NTM: variants seen among roughly 807,000 people sequenced by gnomAD.
The protein encoded by NTM is IgLON family member 2.
Under a neutral mutation model 42.1 loss-of-function variants are expected in NTM, and 13 were observed. The observed-to-expected ratio is 0.31, with a 90% CI of 0.20 to 0.49. The LOEUF (loss-of-function observed/expected upper bound fraction) is 0.49, where lower values mean the gene tolerates loss of function less well. NTM is among the 20% of genes least tolerant of loss of function. The probability of loss-of-function intolerance (pLI) is 0.99; values close to 1 mark genes in which losing one functional copy is unlikely to be tolerated. For synonymous variants in NTM, 187 were observed against 179.2 expected (o/e 1.04, Z -0.35); for missense variants, 373 against 452.8 (o/e 0.82, Z 1.60).
intron 1 of NTM, among the ~76,000 whole-genome samples, chr11:131,466,823 CTCT>C (rs1030878479): frequency 3.3e-5 from 5 of 152,060 alleles, no homozygotes; most frequent in African/African-American, 1.2e-4. Context: ...CAATTTTTTT[CTCT>C]TCTTTTAATT....
At chr11:132,292,504 G>A (rs1207064034) in intron 4 of NTM, among the ~76,000 whole-genome samples, 4 of 152,132 alleles carry the variant, frequency 2.6e-5, no homozygotes, top group African/African-American at 4.8e-5. Context: ...AGTTGGAAGA[G>A]CATGAAGAAG....
chr11:132,214,516 T>TTTG (rs1206487107), intron 4 of NTM, among the ~76,000 whole-genome samples: 4 of 152,190 alleles, frequency 2.6e-5, no homozygotes, highest in African/African-American at 9.7e-5. Context: ...ATAAGTTATT[T>TTTG]TTGTTGTTGT....
chr11:132,023,076 C>T (rs1317112676), intron 2 of NTM, among the ~76,000 whole-genome samples: 2 of 152,126 alleles, frequency 1.3e-5, no homozygotes, highest in African/African-American at 2.4e-5. Flanking sequence ...ACAAGGAGGA[C>T]CTGGGTTTGC....
chr11:131,858,653 C>T (rs966707031), intron 1 of NTM, among the ~76,000 whole-genome samples: 6 of 152,168 alleles, frequency 3.9e-5, no homozygotes, highest in East Asian at 1.9e-4. Context: ...CTCACCTAAG[C>T]GGACACCGAG....
chr11:131,689,939 A>G (rs1396694082), intron 1 of NTM, among the ~76,000 whole-genome samples: 1 of 152,206 alleles, frequency 6.6e-6, no homozygotes, highest in Non-Finnish European at 1.5e-5. Flanking sequence ...TCGTCCACAT[A>G]TGATGAAATT....
intron 2 of NTM, among the ~76,000 whole-genome samples, chr11:131,979,807 C>T (rs951615413): frequency 4.6e-5 from 7 of 152,208 alleles, no homozygotes; most frequent in African/African-American, 1.7e-4. Context: ...TAAGCATTCA[C>T]AAGTCTATGG....
chr11:131,804,059 C>A (rs564286867), intron 1 of NTM, among the ~76,000 whole-genome samples: 13 of 152,274 alleles, frequency 8.5e-5, no homozygotes, highest in African/African-American at 3.1e-4. Flanking sequence ...GTCTCTCAGG[C>A]CTGCTGATCT....
chr11:132,179,788 G>GCAA (rs1299166263), intron 3 of NTM, among the ~76,000 whole-genome samples: 3 of 152,082 alleles, frequency 2.0e-5, no homozygotes, highest in Non-Finnish European at 4.4e-5. Flanking sequence ...CATGGGGCTT[G>GCAA]GCGACTGGTA....
At chr11:132,289,285 C>CAAAA (rs1421846212) in intron 4 of NTM, among the ~76,000 whole-genome samples, 5 of 152,124 alleles carry the variant, frequency 3.3e-5, no homozygotes, top group African/African-American at 1.2e-4. Context: ...ACTCTAGATT[C>CAAAA]TGTTAAGATC....
chr11:131,763,709 C>CTTTTTT (rs557522093), intron 1 of NTM, among the ~76,000 whole-genome samples: 1,759 of 71,126 alleles, frequency 0.025, 207 homozygotes, highest in East Asian at 0.079. Flanking sequence ...ATCTCTCTCT[C>CTTTTTT]TTTTTTTTTT....
At chr11:131,858,335 C>T (rs1243019763) in intron 1 of NTM, among the ~76,000 whole-genome samples, 1 of 152,016 alleles carries the variant, frequency 6.6e-6, no homozygotes, top group Non-Finnish European at 1.5e-5. Context: ...CCGCCCCCAC[C>T]CATGCACATA....
intron 3 of NTM, among the ~76,000 whole-genome samples, chr11:132,185,274 C>T (rs781305276): frequency 8.5e-5 from 13 of 152,168 alleles, no homozygotes; most frequent in African/African-American, 2.4e-4. Flanking sequence ...TACACACAAG[C>T]GAATATCCAA....
intron 2 of NTM, among the ~76,000 whole-genome samples, chr11:132,117,443 G>T (rs1419398531): frequency 6.6e-6 from 1 of 152,174 alleles, no homozygotes; most frequent in South Asian, 2.1e-4. Context: ...TTCTGCTGAT[G>T]GAAGGAGTGA....
At chr11:131,605,871 G>T (rs568475943) in intron 1 of NTM, 6 of 983,732 alleles carry the variant, frequency 6.1e-6, no homozygotes, top group South Asian at 9.4e-5. Flanking sequence ...ACCTGAGGCA[G>T]CTTCACCACC....
chr11:131,825,356 G>T (rs957822258), intron 1 of NTM, among the ~76,000 whole-genome samples: 2 of 150,130 alleles, frequency 1.3e-5, no homozygotes, highest in East Asian at 2.0e-4. Flanking sequence ...GATATTAGGG[G>T]TTAGGACTTC....
chr11:132,132,771 A>T (rs139231533), intron 2 of NTM, among the ~76,000 whole-genome samples: 20 of 152,314 alleles, frequency 1.3e-4, no homozygotes, highest in Non-Finnish European at 2.4e-4. Flanking sequence ...AACACAATGG[A>T]AAAAGAGAGA....
chr11:132,321,855 G>T (rs1294698552), intron 7 of NTM, among the ~76,000 whole-genome samples: 1 of 149,714 alleles, frequency 6.7e-6, no homozygotes, highest in Non-Finnish European at 1.5e-5. Context: ...CAAGCCAGAA[G>T]AGAGTGGGGG....
intron 1 of NTM, among the ~76,000 whole-genome samples, chr11:131,680,603 G>A: frequency 1.1e-5 from 1 of 92,162 alleles, no homozygotes; most frequent in African/African-American, 3.6e-5. Context: ...GTGAGATCAT[G>A]CCTGTGTCTG....
intron 2 of NTM, among the ~76,000 whole-genome samples, chr11:132,103,734 G>A (rs1315163012): frequency 6.6e-6 from 1 of 152,176 alleles, no homozygotes; most frequent in South Asian, 2.1e-4. Flanking sequence ...GTACCACTGA[G>A]TGGCTGTGAA....
Sources: gnomAD v4.1 joint callset for allele counts (sites outside exome capture counted in the v4.1 genomes callset) on GRCh38, gnomAD v4.1.1 for gene constraint, MANE v1.5 for transcripts, NCBI Gene and HGNC (gene_info 2026-07-23, HGNC 2026-07-21) for gene names.